The following SEMA5A variants were observed in gnomAD, a reference collection of about 807,000 sequenced individuals.
SEMA5A encodes the protein semaphorin 5A.
SEMA5A carries 55 observed loss-of-function variants against 135.5 expected under a neutral mutation model. The ratio of observed to expected loss-of-function variants is 0.41; its 90% CI spans 0.33 to 0.51. SEMA5A has a LOEUF of 0.51. SEMA5A is among the 20% of genes least tolerant of loss of function. The probability of loss-of-function intolerance (pLI) is 0.37; values close to 1 mark genes in which losing one functional copy is unlikely to be tolerated. For missense variants in SEMA5A, 1,290 were observed against 1,419.9 expected (o/e 0.91, Z 1.47); for synonymous variants, 580 against 546.5 (o/e 1.06, Z -0.85).
chr5:9,042,596 C>T lies in SEMA5A; in HGVS notation c.*301G>A. The T allele has an allele frequency of 5.9e-6, 2 of 336,222 alleles. No homozygotes were observed. The highest frequency in any genetic ancestry group is 1.1e-5 in the Non-Finnish European group (2 of 182,452). 20.8% of individuals were successfully genotyped at this position (336,222 alleles called of 1,614,324 possible). ...AAGACTCCTTCCAATGTGGGTGGCA[C>T]ATTTATAAAATAATGCTCAAAAAAC... On this transcript the variant is annotated 3_prime_UTR_variant, in exon 23 of 23. Coordinates refer to ENST00000382496, the MANE Select transcript of SEMA5A (RefSeq NM_003966.3).
At chr5:9,406,463 CT>C (rs1756891175) in intron 2 of SEMA5A, among the ~76,000 whole-genome samples, 1 of 152,058 alleles carries the variant, frequency 6.6e-6, no homozygotes, top group Non-Finnish European at 1.5e-5. Flanking sequence ...TAAATTTCTG[CT>C]TTGGGAAAAA....
chr5:9,307,390 A>T (rs1175153276), intron 5 of SEMA5A, among the ~76,000 whole-genome samples: 1 of 152,182 alleles, frequency 6.6e-6, no homozygotes, highest in Non-Finnish European at 1.5e-5. Context: ...TGTGACAGTT[A>T]TCAATAAATT....
At chr5:9,288,066 C>T (rs1364240246) in intron 5 of SEMA5A, among the ~76,000 whole-genome samples, 1 of 151,952 alleles carries the variant, frequency 6.6e-6, no homozygotes, top group Non-Finnish European at 1.5e-5. Flanking sequence ...AGACACATGA[C>T]ATATCTAAAA....
At chr5:9,103,023 A>G (rs887042467) in intron 16 of SEMA5A, among the ~76,000 whole-genome samples, 2 of 152,192 alleles carry the variant, frequency 1.3e-5, no homozygotes, top group Non-Finnish European at 2.9e-5. Flanking sequence ...TGAATGGTCT[A>G]CTTTCATGGG....
At chr5:9,240,526 C>T (rs976215283) in intron 5 of SEMA5A, among the ~76,000 whole-genome samples, 1 of 151,796 alleles carries the variant, frequency 6.6e-6, no homozygotes, top group Non-Finnish European at 1.5e-5. Flanking sequence ...GTCAGCTAGA[C>T]TTTGCCTATT....
In SEMA5A at chr5:9,071,373, T is replaced by C. The variant is rs150396825; in HGVS notation, c.2074-4727A>G. On this transcript the variant is annotated intron_variant, in intron 16 of 22. Coordinates refer to ENST00000382496, the MANE Select transcript of SEMA5A (RefSeq NM_003966.3). ...TGATTTAGAGAATCAAAGCATGTAGTTCCTTAAAGCTTAAGTGCCTATTTA... is the reference window on the plus strand; with the variant it reads ...TGATTTAGAGAATCAAAGCATGTAGCTCCTTAAAGCTTAAGTGCCTATTTA... 2.0e-5 allele frequency among the ~76,000 whole-genome samples: 3 copies of C among 152,316 alleles called. No individual in the cohort carries two copies. The East Asian group carries it at 5.8e-4, about 29-fold the overall frequency.
At chr5:9,048,203 G>A (rs926646301) in intron 21 of SEMA5A, among the ~76,000 whole-genome samples, 2 of 152,112 alleles carry the variant, frequency 1.3e-5, no homozygotes, top group African/African-American at 2.4e-5. Context: ...CGAGCCTCCC[G>A]AACACAATGC....
At chr5:9,520,454 G>A (rs926457246) in intron 1 of SEMA5A, among the ~76,000 whole-genome samples, 2 of 152,148 alleles carry the variant, frequency 1.3e-5, no homozygotes, top group African/African-American at 4.8e-5. Context: ...GCACTGGGGC[G>A]GAGTCAGAGG....
chr5:9,059,213 A>T (rs140544017), intron 18 of SEMA5A, among the ~76,000 whole-genome samples: 3 of 151,784 alleles, frequency 2.0e-5, no homozygotes, highest in Non-Finnish European at 4.4e-5. Flanking sequence ...ACATGTGCCA[A>T]ACTCTGAGGT....
At position 9,209,289 on chromosome 5, in the gene SEMA5A, A is replaced by G. The variant is rs1806056; in HGVS notation, c.647-7049T>C. ...CATTCCAAGCACATAGCCCTCTCTT[A>G]TAAAATTCTGCCAAATCACACACTC... On this transcript the variant is annotated intron_variant, in intron 8 of 22. Coordinates refer to ENST00000382496, the MANE Select transcript of SEMA5A (RefSeq NM_003966.3). Among the ~76,000 whole-genome samples, 152 of 152,304 alleles carry G rather than the reference A, an allele frequency of 1.0e-3. 1 individual carries two copies. The highest frequency in any genetic ancestry group is 3.7e-3 in the African/African-American group (152 of 41,566).
chr5:9,381,981 TGCGCGC>T (rs112343169), intron 2 of SEMA5A, among the ~76,000 whole-genome samples: 4,316 of 99,790 alleles, frequency 0.043, 90 homozygotes, highest in African/African-American at 0.071. Flanking sequence ...TGTGTGTGTG[TGCGCGC>T]GCGCGCACAT....
At chr5:9,166,411 G>A (rs551456773) in intron 11 of SEMA5A, among the ~76,000 whole-genome samples, 1 of 152,266 alleles carries the variant, frequency 6.6e-6, no homozygotes. Flanking sequence ...CAGCTCACAG[G>A]GTCGGCGGCC....
chr5:9,345,019 A>C (rs184766849), intron 3 of SEMA5A, among the ~76,000 whole-genome samples: 7 of 152,270 alleles, frequency 4.6e-5, no homozygotes, highest in Middle Eastern at 3.4e-3. Context: ...CACTAGTAGA[A>C]TATCTAAGTA....
intron 2 of SEMA5A, among the ~76,000 whole-genome samples, chr5:9,437,144 G>A (rs924157012): frequency 2.0e-5 from 3 of 152,156 alleles, no homozygotes; most frequent in Admixed American, 6.5e-5. Flanking sequence ...TGGGGGCAGC[G>A]CACAGAGGTA....
At chr5:9,333,431 A>G (rs576670039) in intron 4 of SEMA5A, among the ~76,000 whole-genome samples, 2 of 152,386 alleles carry the variant, frequency 1.3e-5, no homozygotes, top group Non-Finnish European at 2.9e-5. Flanking sequence ...CACAGAATAC[A>G]TATCAGAGTA....
intron 1 of SEMA5A, among the ~76,000 whole-genome samples, chr5:9,468,632 T>C (rs1180909131): frequency 4.4e-5 from 2 of 45,350 alleles, no homozygotes; most frequent in Admixed American, 4.8e-4. Flanking sequence ...AGGCTGTCTA[T>C]ATTTCTTCAA....
intron 11 of SEMA5A, among the ~76,000 whole-genome samples, chr5:9,186,804 T>C (rs917301307): frequency 6.6e-6 from 1 of 152,244 alleles, no homozygotes; most frequent in Non-Finnish European, 1.5e-5. Context: ...TAAAATATTA[T>C]GTTTTCTTTA....
At chr5:9,250,033 T>C (rs1223910711) in intron 5 of SEMA5A, among the ~76,000 whole-genome samples, 2 of 152,172 alleles carry the variant, frequency 1.3e-5, no homozygotes, top group Non-Finnish European at 2.9e-5. Flanking sequence ...ATGAATAAAA[T>C]TTTAAGCAAG....
At chr5:9,066,746 C>T in intron 16 of SEMA5A, 100 bp from the exon 17 acceptor site, 2 of 973,856 alleles carry the variant, frequency 2.1e-6, no homozygotes, top group East Asian at 4.8e-5. Context: ...CTCTAAAACA[C>T]CAGCTCCTAA....
Sources: gnomAD v4.1 joint callset for allele counts (sites outside exome capture counted in the v4.1 genomes callset) on GRCh38, gnomAD v4.1.1 for gene constraint, MANE v1.5 for transcripts, NCBI Gene and HGNC (gene_info 2026-07-23, HGNC 2026-07-21) for gene names.